Variants in LHFPL3 observed in about 807,000 individuals in gnomAD.
LHFPL3 encodes LHFPL tetraspan subfamily member 3.
Under a neutral mutation model 19.3 loss-of-function variants are expected in LHFPL3, and 5 were observed. That is an observed-to-expected ratio of 0.26 (90% CI 0.14 to 0.54). The LOEUF (loss-of-function observed/expected upper bound fraction) is 0.54, where lower values mean the gene tolerates loss of function less well. Among genes scored for constraint, LHFPL3 ranks in the 20% least tolerant of loss-of-function variants. LHFPL3 has a pLI of 0.94. For synonymous variants in LHFPL3, 133 were observed against 126.2 expected, an observed-to-expected ratio of 1.05 and a Z score of -0.36; for missense variants, 249 against 307.4, an observed-to-expected ratio of 0.81 and a Z score of 1.42.
chr7:104,818,473 G>A (rs1289232944), intron 2 of LHFPL3, among the ~76,000 whole-genome samples: 1 of 151,430 alleles, frequency 6.6e-6, no homozygotes, highest in African/African-American at 2.4e-5. Context: ...CCTGGGAGGC[G>A]GAGGTTGCAG....
chr7:104,458,434 G>A (rs1009136579), intron 1 of LHFPL3, among the ~76,000 whole-genome samples: 11 of 152,070 alleles, frequency 7.2e-5, no homozygotes, highest in South Asian at 2.1e-4. Context: ...GTAGATATGC[G>A]GTGTTATTTC....
intron 1 of LHFPL3, among the ~76,000 whole-genome samples, chr7:104,587,347 C>T (rs143529707): frequency 0.011 from 1,740 of 152,214 alleles, 17 homozygotes; most frequent in Non-Finnish European, 0.017. Flanking sequence ...TCAATTCCGA[C>T]GTATGAGTGA....
intron 1 of LHFPL3, among the ~76,000 whole-genome samples, chr7:104,552,534 G>C (rs1794680586): frequency 6.6e-6 from 1 of 152,128 alleles, no homozygotes; most frequent in Non-Finnish European, 1.5e-5. Context: ...GGGTAAAAAT[G>C]GGAAGGCATC....
chr7:104,850,492 A>T (rs1791397320), intron 2 of LHFPL3, among the ~76,000 whole-genome samples: 1 of 152,134 alleles, frequency 6.6e-6, no homozygotes, highest in Non-Finnish European at 1.5e-5. Flanking sequence ...TTCCCCAGAC[A>T]TCCACCTCCT....
intron 1 of LHFPL3, among the ~76,000 whole-genome samples, chr7:104,579,054 T>C (rs1471520226): frequency 1.3e-5 from 2 of 152,226 alleles, no homozygotes; most frequent in Non-Finnish European, 2.9e-5. Context: ...CAAAACATAC[T>C]GCTTATGTTG....
intron 2 of LHFPL3, chr7:104,800,153 G>C (rs1790216566): frequency 6.6e-6 from 1 of 152,242 alleles, no homozygotes; most frequent in South Asian, 2.1e-4. Context: ...TAAGGCTAAT[G>C]TTGCCTTCCC....
rs140648831 is a variant in LHFPL3, at chr7:104,902,615, C to G, written c.683-3572C>G. Among the ~76,000 whole-genome samples, 85 of 152,072 alleles carry G rather than the reference C, an allele frequency of 5.6e-4. 1 individual carries two copies. The highest frequency in any genetic ancestry group is 1.8e-3 in the African/African-American group (75 of 41,490). ...CAGCCTGGCCAACATGGTGAAACCCCATCTGTACTAAAAATAAAAAATTAG... is the reference window on the plus strand; with the variant it reads ...CAGCCTGGCCAACATGGTGAAACCCGATCTGTACTAAAAATAAAAAATTAG... On this transcript the variant is annotated intron_variant, in intron 2 of 2. Transcript: ENST00000424859.
chr7:104,437,890 C>T (rs768187523), intron 1 of LHFPL3, among the ~76,000 whole-genome samples: 2 of 152,240 alleles, frequency 1.3e-5, no homozygotes, highest in African/African-American at 2.4e-5. Flanking sequence ...ATTATTAACT[C>T]AATACTTAAC....
chr7:104,414,505 G>C (rs1791586531), intron 1 of LHFPL3, among the ~76,000 whole-genome samples: 1 of 152,182 alleles, frequency 6.6e-6, no homozygotes, highest in South Asian at 2.1e-4. Flanking sequence ...AAACACAGCT[G>C]TCCTGATATT....
chr7:104,744,527 G>A (rs1794003763), intron 2 of LHFPL3, among the ~76,000 whole-genome samples: 1 of 152,162 alleles, frequency 6.6e-6, no homozygotes, highest in Admixed American at 6.5e-5. Flanking sequence ...AAGTTAATCT[G>A]AGAGTTGGAG....
intron 1 of LHFPL3, among the ~76,000 whole-genome samples, chr7:104,383,804 T>A (rs768694065): frequency 6.6e-6 from 1 of 151,994 alleles, no homozygotes; most frequent in Non-Finnish European, 1.5e-5. Context: ...TTAGGGGGAG[T>A]GAAGAAGGTC....
At chr7:104,444,166 C>T (rs537829264) in intron 1 of LHFPL3, among the ~76,000 whole-genome samples, 4 of 152,296 alleles carry the variant, frequency 2.6e-5, no homozygotes, top group Non-Finnish European at 5.9e-5. Context: ...TAGATACCAG[C>T]CAGGGGCCAT....
At chr7:104,644,885 CA>C (rs1182968702) in intron 1 of LHFPL3, among the ~76,000 whole-genome samples, 1 of 152,104 alleles carries the variant, frequency 6.6e-6, no homozygotes, top group East Asian at 1.9e-4. Flanking sequence ...GAGCTATTGG[CA>C]TGTTTTTAAA....
At chr7:104,685,494 C>G (rs1489646370) in intron 1 of LHFPL3, among the ~76,000 whole-genome samples, 1 of 152,076 alleles carries the variant, frequency 6.6e-6, no homozygotes, top group Non-Finnish European at 1.5e-5. Flanking sequence ...ATGACCCAAG[C>G]CCAGGAATTC....
chr7:104,423,367 C>G (rs1312343567), intron 1 of LHFPL3, among the ~76,000 whole-genome samples: 1 of 152,094 alleles, frequency 6.6e-6, no homozygotes, highest in Admixed American at 6.5e-5. Flanking sequence ...AATCCCAGCA[C>G]TATGGAAGGC....
chr7:104,578,547 A>G (rs1051490654), intron 1 of LHFPL3, among the ~76,000 whole-genome samples: 5 of 152,214 alleles, frequency 3.3e-5, no homozygotes, highest in South Asian at 2.1e-4. Context: ...ATATTACATT[A>G]TATTATATCA....
chr7:104,807,864 T>C (rs1562799555), intron 2 of LHFPL3, among the ~76,000 whole-genome samples: 1 of 152,242 alleles, frequency 6.6e-6, no homozygotes, highest in Non-Finnish European at 1.5e-5. Flanking sequence ...TGAATGTCCT[T>C]ATTGAATGCA....
intron 2 of LHFPL3, among the ~76,000 whole-genome samples, chr7:104,874,314 CTT>C (rs567284871): frequency 6.0e-5 from 9 of 150,244 alleles, no homozygotes; most frequent in East Asian, 3.9e-4. Context: ...TAATATTTGA[CTT>C]ATATAAAAAG....
intron 1 of LHFPL3, among the ~76,000 whole-genome samples, chr7:104,357,035 C>G (rs1543811): frequency 0.41 from 61,875 of 151,990 alleles, 12,927 homozygotes; most frequent in East Asian, 0.52. Context: ...CCAAATTACT[C>G]AAACTATTGA....
Sources: gnomAD v4.1 joint callset for allele counts (sites outside exome capture counted in the v4.1 genomes callset) on GRCh38, gnomAD v4.1.1 for gene constraint, MANE v1.5 for transcripts, NCBI Gene and HGNC (gene_info 2026-07-23, HGNC 2026-07-21) for gene names.